The following GINS1 variants were observed in gnomAD, a reference collection of about 807,000 sequenced individuals.
GINS1 encodes the protein DNA replication complex GINS protein PSF1.
In GINS1, 26 loss-of-function variants were observed where a neutral mutation model predicts 34.9. That is an observed-to-expected ratio of 0.74 (90% confidence interval 0.55 to 1.03). The LOEUF (loss-of-function observed/expected upper bound fraction) is 1.03, where lower values mean the gene tolerates loss of function less well. Ranked by LOEUF, GINS1 falls within the 50% of genes least tolerant of loss-of-function variation. GINS1 has a pLI of 0.00. For missense variants in GINS1, 235 were observed against 237.9 expected, an observed-to-expected ratio of 0.99 and a Z score of 0.08; for synonymous variants, 97 against 84.4, an observed-to-expected ratio of 1.15 and a Z score of -0.82.
At chr20:25,423,471 T>C (rs1454973912) in intron 4 of GINS1, among the ~76,000 whole-genome samples, 6 of 119,312 alleles carry the variant, frequency 5.0e-5, no homozygotes, top group Non-Finnish European at 7.1e-5. Context: ...TTTTTTTTTT[T>C]TTTTTTTTTT....
chr20:25,416,922 G>T (rs544187940), intron 2 of GINS1, among the ~76,000 whole-genome samples, 182 bp from the exon 3 acceptor site: 77 of 152,234 alleles, frequency 5.1e-4, no homozygotes, highest in Non-Finnish European at 7.4e-5. Flanking sequence ...AAGTTGTTTA[G>T]GTTTTGGCTT....
intron 5 of GINS1, among the ~76,000 whole-genome samples, chr20:25,427,940 C>T (rs1478998448): frequency 1.5e-5 from 2 of 136,180 alleles, no homozygotes; most frequent in African/African-American, 2.8e-5. Context: ...GGTGTGATCT[C>T]GGCTCACTGC....
At position 25,448,266 on chromosome 20, in the gene GINS1, C is replaced by G. The variant is rs1020773615; in HGVS notation, c.*2275C>G. ...TGACATCTTAATAATATTGAGTCTT[C>G]TGGCCTATAAACAAGGTCTGTCTTC... On this transcript the variant is annotated 3_prime_UTR_variant, in exon 7 of 7. Transcript: ENST00000262460. 1 of 152,214 alleles carries G rather than the reference C, an allele frequency of 6.6e-6. No individual in the cohort carries two copies. Among genetic ancestry groups the G allele is most frequent in the African/African-American group, 2.4e-5 (1 of 41,440 alleles). The allele number at this position is 152,214 out of a possible 1,614,324, so 9.4% of individuals were successfully genotyped here.
chr20:25,425,271 G>A lies in GINS1; in HGVS notation c.391G>A (p.Asp131Asn). The change falls in exon 5 of 7, where the codon GAT (aspartate) becomes AAT (asparagine). Residue 131 changes from aspartate (D) to asparagine (N), a missense_variant. Asp to Asn is a conservative substitution (Grantham distance 23). Transcript: ENST00000262460. Reference sequence around the variant, plus strand: ...TACTTATATGAGGTCACTGGGAGGAGATGAAGGTTTGGACATTACACAGGA... The same window carrying A: ...TACTTATATGAGGTCACTGGGAGGAAATGAAGGTTTGGACATTACACAGGA... ...LATYMRSLGG[D>N]EGLDITQDMK... 1.9e-6 allele frequency: 3 copies of A among 1,575,190 alleles called. No homozygotes were observed. Among genetic ancestry groups the A allele is most frequent in the Non-Finnish European group, 2.6e-6 (3 of 1,145,048 alleles).
intron 5 of GINS1, among the ~76,000 whole-genome samples, chr20:25,434,159 T>G (rs1434823437): frequency 6.6e-6 from 1 of 151,776 alleles, no homozygotes; most frequent in Non-Finnish European, 1.5e-5. Context: ...TGGCACGAGC[T>G]TGTAGTTTCA....
In GINS1 at chr20:25,407,851, C is replaced by T. The variant is rs758420687; in HGVS notation, c.31C>T (p.Arg11Cys). Reference protein sequence around the residue: MFCEKAMELIRELHRAPEGQL... With the variant: MFCEKAMELICELHRAPEGQL... ...CTGCGAAAAAGCCATGGAACTGATC[C>T]GCGAGCTGCATCGCGCGCCCGAAGG... The change falls in exon 1 of 7, where the codon CGC (arginine) becomes TGC (cysteine). Residue 11 changes from arginine (R) to cysteine (C), a missense_variant. By Grantham distance (180) the Arg-to-Cys change is radical. Coordinates refer to ENST00000262460, the MANE Select transcript of GINS1 (RefSeq NM_021067.5). 5 of 1,613,974 alleles carry T rather than the reference C, an allele frequency of 3.1e-6. No homozygotes were observed. Among genetic ancestry groups the T allele is most frequent in the African/African-American group, 1.3e-5 (1 of 75,070 alleles).
At chr20:25,428,397 CTTT>C (rs544831869) in intron 5 of GINS1, among the ~76,000 whole-genome samples, 1 of 66,582 alleles carries the variant, frequency 1.5e-5, no homozygotes, top group African/African-American at 6.3e-5. Flanking sequence ...AGCATAATTT[CTTT>C]TTTTTTTTTT....
intron 2 of GINS1, among the ~76,000 whole-genome samples, chr20:25,415,726 A>G (rs2090316737): frequency 2.0e-5 from 3 of 151,778 alleles, no homozygotes; most frequent in Non-Finnish European, 2.9e-5. Context: ...CCTGGCGCTC[A>G]CTGTCTAGTG....
chr20:25,417,290 GATCT>G (rs2090327204), intron 3 of GINS1, 88 bp downstream of exon 3: 2 of 709,824 alleles, frequency 2.8e-6, no homozygotes, highest in East Asian at 5.3e-5. Context: ...TGAAATCTTA[GATCT>G]CTCTCTCTTT....
Position 25,448,368 on chromosome 20 carries a change from C to T in GINS1, c.*2377C>T, listed in dbSNP as rs1218046654. 2 of 152,304 alleles carry T rather than the reference C, an allele frequency of 1.3e-5. No individual in the cohort carries two copies. The highest frequency in any genetic ancestry group is 4.8e-5 in the African/African-American group (2 of 41,556). 9.4% of individuals were successfully genotyped at this position (152,304 alleles called of 1,614,324 possible). A position where few individuals can be genotyped will look rare whatever the true frequency, so the allele number is the denominator to read the frequency against. ...TCAGTGTACAGGTCTACCATGTCAG[C>T]ATTTCATAGTTTTGATGCTAAATGG... is the stretch of plus-strand genomic sequence containing the variant. On this transcript the variant is annotated 3_prime_UTR_variant, in exon 7 of 7. Coordinates refer to ENST00000262460, the MANE Select transcript of GINS1 (RefSeq NM_021067.5).
chr20:25,427,455 C>A (rs1432956056), intron 5 of GINS1, among the ~76,000 whole-genome samples: 1 of 152,188 alleles, frequency 6.6e-6, no homozygotes, highest in Non-Finnish European at 1.5e-5. Context: ...GCCTCAGCCT[C>A]CCAAAGGCAT....
intron 1 of GINS1, among the ~76,000 whole-genome samples, chr20:25,409,177 A>G (rs6050593): frequency 1.3e-5 from 2 of 152,362 alleles, no homozygotes; most frequent in South Asian, 4.1e-4. Flanking sequence ...GGTGGCTCAC[A>G]GCCTACATGA....
At chr20:25,433,488 T>C (rs1431246290) in intron 5 of GINS1, among the ~76,000 whole-genome samples, 1 of 152,152 alleles carries the variant, frequency 6.6e-6, no homozygotes, top group Non-Finnish European at 1.5e-5. Flanking sequence ...CCTTATACAA[T>C]ATAAATGCCA....
intron 1 of GINS1, among the ~76,000 whole-genome samples, chr20:25,411,748 A>G (rs6083847): frequency 0.57 from 86,358 of 151,744 alleles, 25,284 homozygotes; most frequent in African/African-American, 0.63. Context: ...TTCGAGACCA[A>G]CCTGGTGAAC....
intron 5 of GINS1, among the ~76,000 whole-genome samples, chr20:25,431,967 A>T (rs2090429532): frequency 6.6e-6 from 1 of 151,982 alleles, no homozygotes; most frequent in African/African-American, 2.4e-5. Context: ...TCCCGGGTTC[A>T]AGTGATCCTT....
intron 1 of GINS1, among the ~76,000 whole-genome samples, chr20:25,413,056 A>ATTTTTTTTTTTTTTTTTTTTTTTTT (rs753937496): frequency 7.4e-6 from 1 of 135,954 alleles, no homozygotes; most frequent in Non-Finnish European, 1.6e-5. Flanking sequence ...TCAGTAGTTC[A>ATTTTTTTTTTTTTTTTTTTTTTTTT]TTTTTTTTTT....
At chr20:25,431,709 T>G (rs918265360) in intron 5 of GINS1, among the ~76,000 whole-genome samples, 4 of 151,870 alleles carry the variant, frequency 2.6e-5, no homozygotes, top group Non-Finnish European at 4.4e-5. Context: ...TAGCTGGGAC[T>G]GTAGGGGTGC....
At chr20:25,441,626 A>G (rs985800076) in intron 5 of GINS1, 76 bp from the exon 6 acceptor site, 1 of 732,396 alleles carries the variant, frequency 1.4e-6, no homozygotes. Flanking sequence ...GTGTATTTGT[A>G]TAATGCTGAT....
rs139826050 is a variant in GINS1 at position 25,442,917 on chromosome 20, T to C, written c.522+1141T>C. On this transcript the variant is annotated intron_variant, in intron 6 of 6. Coordinates refer to ENST00000262460, the MANE Select transcript of GINS1 (RefSeq NM_021067.5). Reference sequence around the variant, plus strand: ...CACTGTGCCCGGCCACTAAATTTTTTATCCTATCCCAATTTTCTGAAGTCG... The same window carrying C: ...CACTGTGCCCGGCCACTAAATTTTTCATCCTATCCCAATTTTCTGAAGTCG... 206 of 152,298 alleles carry C rather than the reference T, an allele frequency of 1.4e-3. 1 individual carries two copies. Among genetic ancestry groups the C allele is most frequent in the African/African-American group, 4.7e-3 (195 of 41,568 alleles). The allele number at this position is 152,298 out of a possible 1,614,324, so 9.4% of individuals were successfully genotyped here.
Sources: gnomAD v4.1 joint callset for allele counts (sites outside exome capture counted in the v4.1 genomes callset) on GRCh38, gnomAD v4.1.1 for gene constraint, MANE v1.5 for transcripts, NCBI Gene and HGNC (gene_info 2026-07-23, HGNC 2026-07-21) for gene names.